PIBF1: variants seen among roughly 807,000 people sequenced by gnomAD.
PIBF1 encodes the protein progesterone-induced-blocking factor 1.
A neutral mutation model predicts 112.5 loss-of-function variants in PIBF1; 90 were observed. The ratio of observed to expected loss-of-function variants is 0.80; its 90% CI spans 0.67 to 0.95. The LOEUF is 0.95. Ranked by LOEUF, PIBF1 falls within the 40% of genes least tolerant of loss-of-function variation. The pLI is 0.00. For missense variants in PIBF1, 915 were observed against 852.3 expected (o/e 1.07, Z -0.92); for synonymous variants, 301 against 288.6 (o/e 1.04, Z -0.44).
At chr13:72,806,106 A>G (rs898238950) in intron 5 of PIBF1, among the ~76,000 whole-genome samples, 3 of 152,252 alleles carry the variant, frequency 2.0e-5, no homozygotes. Flanking sequence ...ATTTTCATGT[A>G]TACAATTCAG....
intron 16 of PIBF1, among the ~76,000 whole-genome samples, chr13:72,974,845 G>A (rs2042980575): frequency 6.6e-6 from 1 of 152,082 alleles, no homozygotes; most frequent in Non-Finnish European, 1.5e-5. Context: ...TTGTATGGCA[G>A]GTGTATGTTT....
intron 13 of PIBF1, among the ~76,000 whole-genome samples, chr13:72,923,221 A>G (rs1168373775): frequency 2.0e-5 from 3 of 152,216 alleles, no homozygotes; most frequent in Non-Finnish European, 4.4e-5. Context: ...TATCTCAGAT[A>G]TAAACAAAAC....
chr13:72,822,891 G>A (rs1221294190), intron 6 of PIBF1, among the ~76,000 whole-genome samples: 2 of 152,186 alleles, frequency 1.3e-5, no homozygotes, highest in African/African-American at 4.8e-5. Flanking sequence ...CATGAGAGCT[G>A]TGCTCAGTGG....
chr13:72,996,485 A>G (rs1171718764), intron 16 of PIBF1, among the ~76,000 whole-genome samples: 2 of 152,180 alleles, frequency 1.3e-5, no homozygotes, highest in African/African-American at 4.8e-5. Context: ...TTATACTAAA[A>G]TAGTACCACT....
At chr13:72,949,898 A>G (rs1434127394) in intron 14 of PIBF1, among the ~76,000 whole-genome samples, 1 of 152,176 alleles carries the variant, frequency 6.6e-6, no homozygotes, top group Non-Finnish European at 1.5e-5. Context: ...CAGTTTTAGA[A>G]TTGAAAAAGA....
chr13:72,826,040 TA>T (rs1384044847), intron 6 of PIBF1, among the ~76,000 whole-genome samples: 1,687 of 121,160 alleles, frequency 0.014, 59 homozygotes, highest in East Asian at 0.012. Context: ...CCCCATCTCA[TA>T]AAAAAAAAAA....
intron 9 of PIBF1, among the ~76,000 whole-genome samples, chr13:72,847,796 AG>A (rs2037940439): frequency 6.6e-6 from 1 of 152,206 alleles, no homozygotes; most frequent in African/African-American, 2.4e-5. Context: ...GTAAAACTAC[AG>A]TCATTGAATA....
chr13:72,899,340 A>C (rs1429370151), intron 11 of PIBF1, among the ~76,000 whole-genome samples: 2 of 152,194 alleles, frequency 1.3e-5, no homozygotes, highest in African/African-American at 4.8e-5. Context: ...CTACAGACTG[A>C]TATCTTTGAT....
chr13:72,928,026 C>T (rs5804653), intron 13 of PIBF1, among the ~76,000 whole-genome samples: 59 of 118,612 alleles, frequency 5.0e-4, no homozygotes, highest in African/African-American at 2.1e-3. Flanking sequence ...CATATATATA[C>T]ATATATATAT....
chr13:72,941,375 G>A (rs1488438911), intron 14 of PIBF1, among the ~76,000 whole-genome samples: 2 of 152,114 alleles, frequency 1.3e-5, no homozygotes, highest in Admixed American at 6.6e-5. Context: ...CCACATTACT[G>A]CCAACAGTAA....
At position 72,798,898 on chromosome 13, in the gene PIBF1, A is replaced by T. The variant is rs564232612; in HGVS notation, c.672+872A>T. 2.6e-5 allele frequency among the ~76,000 whole-genome samples: 4 copies of T among 152,306 alleles called. No homozygotes were observed. The South Asian group carries it at 6.2e-4, about 24-fold the overall frequency. On this transcript the variant is annotated intron_variant, in intron 5 of 17. Coordinates refer to ENST00000326291, the MANE Select transcript of PIBF1 (RefSeq NM_006346.4). ...TGGAGCTACTGTCCATTTATTACTT[A>T]CGTGGCTTCTTTGTGAAGTGCAGTT...
intron 10 of PIBF1, among the ~76,000 whole-genome samples, chr13:72,856,489 G>A (rs2038428510): frequency 6.6e-6 from 1 of 152,066 alleles, no homozygotes; most frequent in African/African-American, 2.4e-5. Context: ...AGGAAAAAAA[G>A]GTGTTTCTAG....
chr13:72,951,562 A>G (rs2138856441), intron 14 of PIBF1, among the ~76,000 whole-genome samples: 1 of 152,294 alleles, frequency 6.6e-6, no homozygotes, highest in South Asian at 2.1e-4. Context: ...AAATAGGCAA[A>G]GACAATCTGA....
chr13:72,915,878 G>A (rs912758050), intron 12 of PIBF1, among the ~76,000 whole-genome samples: 2 of 152,196 alleles, frequency 1.3e-5, no homozygotes, highest in African/African-American at 4.8e-5. Flanking sequence ...TAGGCATGCA[G>A]AAGATGAAAC....
chr13:72,980,515 G>T (rs1196144894), intron 16 of PIBF1, among the ~76,000 whole-genome samples: 1 of 152,130 alleles, frequency 6.6e-6, no homozygotes, highest in East Asian at 1.9e-4. Flanking sequence ...ATGCTAAAGG[G>T]CCGGCACGGT....
chr13:73,011,175 G>A (rs575211009), intron 17 of PIBF1, among the ~76,000 whole-genome samples: 1 of 152,142 alleles, frequency 6.6e-6, no homozygotes, highest in South Asian at 2.1e-4. Context: ...GCAAACTGCT[G>A]CCCCCAAAAT....
At chr13:73,011,046 G>A (rs1405504505) in intron 17 of PIBF1, among the ~76,000 whole-genome samples, 5 of 150,392 alleles carry the variant, frequency 3.3e-5, no homozygotes, top group Admixed American at 6.7e-5. Context: ...GGCTGGTCTC[G>A]AACTCCTGAC....
intron 16 of PIBF1, among the ~76,000 whole-genome samples, chr13:72,997,077 C>T (rs1368512853): frequency 1.3e-5 from 2 of 152,300 alleles, no homozygotes; most frequent in Non-Finnish European, 2.9e-5. Context: ...TTCTAATCTC[C>T]TGACCACTAA....
At position 72,901,040 on chromosome 13, in the gene PIBF1, A is replaced by G. The variant is rs546232525; in HGVS notation, c.1488+7091A>G. 5.4e-4 allele frequency: 231 copies of G among 426,312 alleles called. 1 individual carries two copies. The highest frequency in any genetic ancestry group is 9.0e-4 in the Non-Finnish European group (196 of 216,908). 26.4% of individuals were successfully genotyped at this position (426,312 alleles called of 1,614,324 possible). A position where few individuals can be genotyped will look rare whatever the true frequency, so the allele number is the denominator to read the frequency against. On this transcript the variant is annotated intron_variant, in intron 11 of 17. Transcript: ENST00000326291. ...TCCGTCTCAAAACAAAAAGCAAAAAACAAACAAACAAACAAAAGCTAAATA... is the reference window on the plus strand; with the variant it reads ...TCCGTCTCAAAACAAAAAGCAAAAAGCAAACAAACAAACAAAAGCTAAATA...
Sources: allele counts gnomAD v4.1 joint callset (sites outside exome capture counted in the v4.1 genomes callset), GRCh38; gene constraint gnomAD v4.1.1; transcripts MANE v1.5; gene names NCBI Gene and HGNC (gene_info 2026-07-23, HGNC 2026-07-21).